Variants in C1QTNF3 observed in about 807,000 individuals in gnomAD.
The protein encoded by C1QTNF3 is C1q and TNF related 3.
In C1QTNF3, 26 loss-of-function variants were observed where a neutral mutation model predicts 32.6. The observed-to-expected ratio is 0.80, with a 90% CI of 0.58 to 1.11. The LOEUF is 1.11. C1QTNF3 is among the 50% of genes least tolerant of loss of function. C1QTNF3 has a pLI of 0.00. For synonymous variants in C1QTNF3, 155 were observed against 146.0 expected (o/e 1.06, Z -0.44); for missense variants, 362 against 398.2 (o/e 0.91, Z 0.77).
At chr5:34,235,160 G>A in the C1QTNF3 span, among the ~76,000 whole-genome samples, 1 of 152,048 alleles carries the variant, frequency 6.6e-6, no homozygotes, top group African/African-American at 2.4e-5. Flanking sequence ...TTGCTTCAGG[G>A]CTGGGTTCCT....
At chr5:34,147,453 A>G in the C1QTNF3 span, among the ~76,000 whole-genome samples, 5 of 152,202 alleles carry the variant, frequency 3.3e-5, no homozygotes, top group East Asian at 1.9e-4. Context: ...AAAATGTGGT[A>G]TAAATACATT....
At chr5:34,176,693 CA>C in the C1QTNF3 span, among the ~76,000 whole-genome samples, 60 of 151,750 alleles carry the variant, frequency 4.0e-4, no homozygotes, top group African/African-American at 1.3e-3. Flanking sequence ...GACTAGCCTA[CA>C]AAAAGTACAA....
At chr5:34,083,051 A>G in the C1QTNF3 span, among the ~76,000 whole-genome samples, 2 of 151,464 alleles carry the variant, frequency 1.3e-5, no homozygotes, top group African/African-American at 4.9e-5. Context: ...TAAGTGACAA[A>G]GACAAGGTTC....
intron 5 of C1QTNF3, among the ~76,000 whole-genome samples, chr5:34,022,312 A>G (rs1279380575): frequency 6.6e-6 from 1 of 152,216 alleles, no homozygotes; most frequent in Non-Finnish European, 1.5e-5. Flanking sequence ...TCAGCTTTCA[A>G]ATTTGCACCA....
the C1QTNF3 span, among the ~76,000 whole-genome samples, chr5:34,177,944 T>A: frequency 1.3e-5 from 2 of 151,958 alleles, no homozygotes; most frequent in Non-Finnish European, 2.9e-5. Context: ...CTATCAATGC[T>A]GACCTAGACC....
intron 2 of C1QTNF3, among the ~76,000 whole-genome samples, chr5:34,035,011 G>A (rs1369552934): frequency 2.0e-5 from 3 of 152,160 alleles, no homozygotes; most frequent in Non-Finnish European, 2.9e-5. Flanking sequence ...ATTAACCTGA[G>A]GATGAAGACA....
At chr5:34,222,886 T>C in the C1QTNF3 span, among the ~76,000 whole-genome samples, 1 of 152,024 alleles carries the variant, frequency 6.6e-6, no homozygotes, top group South Asian at 2.1e-4. Context: ...GAATGGAGTC[T>C]CATTCAGTAT....
At chr5:34,054,341 C>A in the C1QTNF3 span, among the ~76,000 whole-genome samples, 1 of 152,214 alleles carries the variant, frequency 6.6e-6, no homozygotes, top group Non-Finnish European at 1.5e-5. Flanking sequence ...AAACACAGTT[C>A]TGTATCTCAG....
At chr5:34,229,114 C>T in the C1QTNF3 span, among the ~76,000 whole-genome samples, 9 of 152,056 alleles carry the variant, frequency 5.9e-5, no homozygotes, top group African/African-American at 1.4e-4. Flanking sequence ...AAAGCTTATG[C>T]CTACAGCAGA....
chr5:34,197,421 T>C, the C1QTNF3 span, among the ~76,000 whole-genome samples: 1 of 152,222 alleles, frequency 6.6e-6, no homozygotes, highest in Non-Finnish European at 1.5e-5. Context: ...CCAAAATAAA[T>C]ATAAATGGAA....
At chr5:34,048,285 T>C in the C1QTNF3 span, among the ~76,000 whole-genome samples, 2 of 98,412 alleles carry the variant, frequency 2.0e-5, no homozygotes, top group African/African-American at 7.0e-5. Context: ...TGTGTGTGTG[T>C]GCATGAGAGA....
the C1QTNF3 span, among the ~76,000 whole-genome samples, chr5:34,147,656 G>T: frequency 2.0e-5 from 3 of 151,886 alleles, no homozygotes; most frequent in African/African-American, 7.3e-5. Context: ...AGACACTGTG[G>T]ACTACTAGAT....
the C1QTNF3 span, among the ~76,000 whole-genome samples, chr5:34,160,253 G>A: frequency 6.6e-6 from 1 of 152,146 alleles, no homozygotes; most frequent in Non-Finnish European, 1.5e-5. Flanking sequence ...CAGAACACCT[G>A]TCTAACAGAA....
At chr5:34,241,749 T>A in the C1QTNF3 span, among the ~76,000 whole-genome samples, 3 of 151,962 alleles carry the variant, frequency 2.0e-5, no homozygotes, top group African/African-American at 7.3e-5. Context: ...CAAATTTTTT[T>A]TTTTTTTTAA....
At chr5:34,044,912 T>C (rs1275139739), upstream of C1QTNF3, among the ~76,000 whole-genome samples, 1 of 152,176 alleles carries the variant, frequency 6.6e-6, no homozygotes, top group Non-Finnish European at 1.5e-5. Context: ...CAAACTGTTA[T>C]TCTTAGTAAC....
chr5:34,068,547 A>G, the C1QTNF3 span, among the ~76,000 whole-genome samples: 5 of 151,068 alleles, frequency 3.3e-5, no homozygotes, highest in East Asian at 7.8e-4. Context: ...AGAGAGAGGG[A>G]GAGAGAGAGA....
At chr5:34,177,994 T>A in the C1QTNF3 span, among the ~76,000 whole-genome samples, 2,192 of 150,778 alleles carry the variant, frequency 0.015, 36 homozygotes, top group South Asian at 0.034. Context: ...GGGCTGGGCA[T>A]GGTGGCTCAT....
chr5:34,227,980 T>TC, the C1QTNF3 span, among the ~76,000 whole-genome samples: 15 of 140,628 alleles, frequency 1.1e-4, no homozygotes, highest in African/African-American at 3.9e-4. Flanking sequence ...AGAAAATCCT[T>TC]TTTTTTTTTT....
At chr5:34,079,622 G>A in the C1QTNF3 span, among the ~76,000 whole-genome samples, 1 of 151,608 alleles carries the variant, frequency 6.6e-6, no homozygotes, top group African/African-American at 2.4e-5. Flanking sequence ...AGTAAATCCT[G>A]CCATTTGAGA....
Sources: allele counts gnomAD v4.1 joint callset (sites outside exome capture counted in the v4.1 genomes callset), GRCh38; gene constraint gnomAD v4.1.1; transcripts MANE v1.5; gene names NCBI Gene and HGNC (gene_info 2026-07-23, HGNC 2026-07-21).